Variants in NADSYN1 observed in about 807,000 individuals in gnomAD.
NADSYN1 encodes the protein NAD synthetase 1.
NADSYN1 carries 80 observed loss-of-function variants against 99.3 expected under a neutral mutation model. That is an observed-to-expected ratio of 0.81 (90% CI 0.67 to 0.97). The LOEUF is 0.97. Ranked by LOEUF, NADSYN1 falls within the 50% of genes least tolerant of loss-of-function variation. NADSYN1 has a pLI of 0.00. For synonymous variants in NADSYN1, 385 were observed against 372.1 expected, an observed-to-expected ratio of 1.03 and a Z score of -0.40; for missense variants, 859 against 948.5, an observed-to-expected ratio of 0.91 and a Z score of 1.24.
intron 9 of NADSYN1, chr11:71,475,690 G>A (rs1312982843): frequency 4.3e-6 from 1 of 232,046 alleles, no homozygotes; most frequent in African/African-American, 2.3e-5. Context: ...AAGTCCTTGG[G>A]GAGGTTTGGG....
intron 17 of NADSYN1, among the ~76,000 whole-genome samples, chr11:71,491,205 C>G (rs974659278): frequency 3.3e-5 from 5 of 152,246 alleles, no homozygotes; most frequent in Non-Finnish European, 5.9e-5. Context: ...TCCTGCCTCC[C>G]CCGCCTGCCC....
chr11:71,484,628 C>A, intron 15 of NADSYN1, 181 bp downstream of exon 15: 1 of 851,900 alleles, frequency 1.2e-6, no homozygotes, highest in Non-Finnish European at 1.8e-6. Context: ...AGACGTCGGT[C>A]ATGCAGCCTT....
Position 71,474,487 on chromosome 11 carries a change from C to T in NADSYN1, c.759C>T (p.Ser253=), listed in dbSNP as rs760692608. Residue 253 remains serine, a synonymous_variant, in exon 9 of 21, where the codon AGC becomes AGT. Transcript: ENST00000319023. ...GTGCCATGATTGCCATGAACGGAAG[C>T]GTCTTTGCTCAAGGATCCCAGTTTT... ...DGCAMIAMNG[S]VFAQGSQFSL... is the part of the protein sequence containing the mutation. 1.2e-6 allele frequency: 2 copies of T among 1,614,204 alleles called. No individual in the cohort carries two copies. The highest frequency in any genetic ancestry group is 1.7e-6 in the Non-Finnish European group (2 of 1,180,006).
chr11:71,484,253 C>T (rs1388627974), intron 14 of NADSYN1, 59 bp from the exon 15 acceptor site: 10 of 1,584,662 alleles, frequency 6.3e-6, no homozygotes, highest in Middle Eastern at 1.7e-4. Context: ...ACCGCTCATG[C>T]GCACACACAT....
intron 9 of NADSYN1, chr11:71,474,753 C>T: frequency 1.9e-6 from 1 of 519,554 alleles, no homozygotes; most frequent in Non-Finnish European, 3.5e-6. Flanking sequence ...AAGCCGGGTG[C>T]TTAGTGAGGG....
chr11:71,488,315 A>AGG (rs113068677), intron 16 of NADSYN1, among the ~76,000 whole-genome samples: 12,556 of 151,856 alleles, frequency 0.083, 622 homozygotes, highest in African/African-American at 0.14. Context: ...AAGGAGGGGA[A>AGG]GGGAGAGCTG....
At chr11:71,493,489 T>G (rs1456294344) in intron 18 of NADSYN1, among the ~76,000 whole-genome samples, 1 of 152,180 alleles carries the variant, frequency 6.6e-6, no homozygotes. Context: ...AGAGAATTTC[T>G]GCCAGGCCTG....
At chr11:71,469,054 C>A (rs1250533193) in intron 5 of NADSYN1, among the ~76,000 whole-genome samples, 1 of 152,204 alleles carries the variant, frequency 6.6e-6, no homozygotes, top group African/African-American at 2.4e-5. Context: ...CTAAGTTGAT[C>A]TGTGGATTCA....
At chr11:71,457,756 C>T (rs1949522995) in intron 2 of NADSYN1, among the ~76,000 whole-genome samples, 1 of 152,166 alleles carries the variant, frequency 6.6e-6, no homozygotes, top group South Asian at 2.1e-4. Flanking sequence ...CCATCTCTGC[C>T]TCCGTCCTCA....
At chr11:71,477,445 C>T in intron 9 of NADSYN1, 1 of 1,289,332 alleles carries the variant, frequency 7.8e-7, no homozygotes, top group South Asian at 1.2e-5. Flanking sequence ...CCAGGTATGG[C>T]CCCCTGTTAC....
Position 71,489,469 on chromosome 11 carries a change from C to T in NADSYN1, c.1563-1376C>T, listed in dbSNP as rs559283843. Among the ~76,000 whole-genome samples, 3 of 152,274 alleles carry T rather than the reference C, an allele frequency of 2.0e-5. No homozygotes were observed. In the South Asian group the frequency reaches 6.2e-4, roughly 32 times the overall value. On this transcript the variant is annotated intron_variant, in intron 16 of 20. Transcript: ENST00000319023. ...GCAGGTTGAGCTGAGCTCTGCACTG[C>T]GGGATTTCCCCAGACTGTGCTCTCT...
At chr11:71,465,772 T>C (rs576974617) in intron 5 of NADSYN1, among the ~76,000 whole-genome samples, 1 of 152,380 alleles carries the variant, frequency 6.6e-6, no homozygotes, top group Admixed American at 6.5e-5. Context: ...ATATTATATT[T>C]TTAAGTGGTT....
chr11:71,501,569 C>A lies in NADSYN1; in HGVS notation c.*217C>A. ...TGGAATCCAATGCACATGATTTTGA[C>A]CTCCCGCCAGCGTGCGCTTCCCCGC... On this transcript the variant is annotated 3_prime_UTR_variant, in exon 21 of 21. Coordinates refer to ENST00000319023, the MANE Select transcript of NADSYN1 (RefSeq NM_018161.5). 1 of 552,674 alleles carries A rather than the reference C, an allele frequency of 1.8e-6. No homozygotes were observed. Among genetic ancestry groups the A allele is most frequent in the Non-Finnish European group, 3.2e-6 (1 of 315,416 alleles). The allele number at this position is 552,674 out of a possible 1,614,324, so 34.2% of individuals were successfully genotyped here.
In NADSYN1 at chr11:71,455,093, TC is replaced by T. The variant is rs1395379129; in HGVS notation, c.86-16del. 2 of 1,605,812 alleles carry T rather than the reference TC, an allele frequency of 1.2e-6. No homozygotes were observed. Among genetic ancestry groups the T allele is most frequent in the Admixed American group, 1.7e-5 (1 of 59,572 alleles). On this transcript the variant is annotated splice_polypyrimidine_tract_variant and intron_variant, in intron 1 of 20. Transcript: ENST00000319023. Reference sequence around the variant, plus strand: ...TGCTGAAATTGCTCCATTTTCTTTTTCTCTCTGTACTTACAGGTATTGAAAT... The same window carrying T: ...TGCTGAAATTGCTCCATTTTCTTTTTTCTCTGTACTTACAGGTATTGAAAT...
intron 16 of NADSYN1, among the ~76,000 whole-genome samples, chr11:71,486,223 C>A (rs1949741958): frequency 6.6e-6 from 1 of 152,206 alleles, no homozygotes; most frequent in Non-Finnish European, 1.5e-5. Flanking sequence ...TTAGTTGCTC[C>A]TTAGGAGCTG....
chr11:71,463,248 C>T (rs1949562211), intron 3 of NADSYN1, among the ~76,000 whole-genome samples, 184 bp from the exon 4 acceptor site: 1 of 152,160 alleles, frequency 6.6e-6, no homozygotes, highest in Non-Finnish European at 1.5e-5. Flanking sequence ...GTGGCAGAAC[C>T]ATCTCGGCTC....
rs370249705 is a variant in NADSYN1, at chr11:71,458,834, G to A, written c.263+290G>A. 33 of 318,284 alleles carry A rather than the reference G, an allele frequency of 1.0e-4. 1 individual carries two copies. The highest frequency in any genetic ancestry group is 1.9e-3 in the Middle Eastern group (2 of 1,080). 19.7% of individuals were successfully genotyped at this position (318,284 alleles called of 1,614,324 possible). On this transcript the variant is annotated intron_variant, in intron 3 of 20. Coordinates refer to ENST00000319023, the MANE Select transcript of NADSYN1 (RefSeq NM_018161.5). Reference sequence around the variant, plus strand: ...GGGAATGCAGCATTCACCCCACCCCGTGCAGAGAGCTTGACTCACATCACA... The same window carrying A: ...GGGAATGCAGCATTCACCCCACCCCATGCAGAGAGCTTGACTCACATCACA...
intron 5 of NADSYN1, among the ~76,000 whole-genome samples, chr11:71,471,367 C>A (rs929958113): frequency 6.6e-6 from 1 of 152,230 alleles, no homozygotes; most frequent in African/African-American, 2.4e-5. Context: ...GAGTACTTGG[C>A]AGGCTCAAGG....
rs752046039 is a variant in NADSYN1 at position 71,498,514 on chromosome 11, T to C, written c.2056T>C (p.Cys686Arg). ...YNTSWPWQFR[C>R]IENQVLQLER... ...CACAAGCTGGCCTTGGCAGTTTCGG[T>C]GCATAGAAAATCAGGTAAATCCAGC... The change falls in exon 20 of 21, where the codon TGC becomes CGC. Residue 686 changes from cysteine (C) to arginine (R), a missense_variant. Physicochemically the swap from Cys to Arg is radical, Grantham distance 180. Transcript: ENST00000319023. 4 of 1,613,936 alleles carry C rather than the reference T, an allele frequency of 2.5e-6. No individual in the cohort carries two copies. The highest frequency in any genetic ancestry group is 2.5e-6 in the Non-Finnish European group (3 of 1,179,868).
Sources: gnomAD v4.1 joint callset for allele counts (sites outside exome capture counted in the v4.1 genomes callset) on GRCh38, gnomAD v4.1.1 for gene constraint, MANE v1.5 for transcripts, NCBI Gene and HGNC (gene_info 2026-07-23, HGNC 2026-07-21) for gene names.